Variants in UBXN2A observed in about 807,000 individuals in gnomAD.
UBXN2A encodes UBX domain-containing protein 2A.
Under a neutral mutation model 28.4 loss-of-function variants are expected in UBXN2A, and 28 were observed. The observed-to-expected ratio is 0.99, with a 90% CI of 0.73 to 1.35. UBXN2A has a LOEUF of 1.35. UBXN2A is among the 40% of genes most tolerant of loss of function. UBXN2A has a pLI of 0.00. For synonymous variants in UBXN2A, 97 were observed against 103.6 expected (o/e 0.94, Z 0.39); for missense variants, 253 against 297.9 (o/e 0.85, Z 1.11).
intron 2 of UBXN2A, 147 bp downstream of exon 2, chr2:23,958,502 T>C: frequency 3.0e-6 from 2 of 677,114 alleles, no homozygotes; most frequent in Non-Finnish European, 4.4e-6. Flanking sequence ...AAGTAATTTT[T>C]TTACCATAGC....
chr2:23,980,119 ACT>A (rs1707836150), intron 4 of UBXN2A, among the ~76,000 whole-genome samples: 1 of 151,956 alleles, frequency 6.6e-6, no homozygotes, highest in Admixed American at 6.6e-5. Context: ...ACTAGAAGTC[ACT>A]CTCCATTTTC....
At chr2:23,956,118 C>A (rs1272142248) in intron 1 of UBXN2A, among the ~76,000 whole-genome samples, 2 of 151,914 alleles carry the variant, frequency 1.3e-5, no homozygotes, top group African/African-American at 4.8e-5. Context: ...ACTGCCTCGG[C>A]CTCCCAAAGT....
chr2:23,997,966 C>G (rs755686974), intron 6 of UBXN2A, among the ~76,000 whole-genome samples: 22 of 151,904 alleles, frequency 1.4e-4, no homozygotes, highest in Non-Finnish European at 1.5e-4. Context: ...TGACCACCAC[C>G]ACACCCAGAT....
At chr2:23,987,661 C>T (rs1708183250) in intron 6 of UBXN2A, among the ~76,000 whole-genome samples, 1 of 151,234 alleles carries the variant, frequency 6.6e-6, no homozygotes. Context: ...GCCTGTAGTC[C>T]CAGCTACTCG....
At chr2:23,998,521 C>T (rs1708625531) in intron 6 of UBXN2A, among the ~76,000 whole-genome samples, 1 of 152,088 alleles carries the variant, frequency 6.6e-6, no homozygotes, top group Non-Finnish European at 1.5e-5. Flanking sequence ...GGAGTTCAAA[C>T]AAGCTTGGCC....
intron 6 of UBXN2A, among the ~76,000 whole-genome samples, chr2:23,986,235 G>A (rs1027600606): frequency 3.3e-5 from 5 of 151,820 alleles, no homozygotes; most frequent in Admixed American, 1.3e-4. Context: ...GCGTGAACCC[G>A]GAAGGCGGAG....
Position 24,002,711 on chromosome 2 carries a change from A to C in UBXN2A, c.*2844A>C, listed in dbSNP as rs535029651. ...AGGCGTGAGCCACTGTGCCCAGCCAATAATAACTTATAAAACATGAAACGA... is the reference window on the plus strand; with the variant it reads ...AGGCGTGAGCCACTGTGCCCAGCCACTAATAACTTATAAAACATGAAACGA... On this transcript the variant is annotated 3_prime_UTR_variant, in exon 7 of 7. Transcript: ENST00000309033. 2 of 152,170 alleles carry C rather than the reference A, an allele frequency of 1.3e-5. No homozygotes were observed. Among genetic ancestry groups the C allele is most frequent in the Non-Finnish European group, 2.9e-5 (2 of 68,054 alleles). The allele number at this position is 152,170 out of a possible 1,614,324, so 9.4% of individuals were successfully genotyped here. A position where few individuals can be genotyped will look rare whatever the true frequency, so the allele number is the denominator to read the frequency against.
intron 2 of UBXN2A, among the ~76,000 whole-genome samples, chr2:23,966,750 C>CTT (rs70944704): frequency 3.9e-5 from 3 of 76,690 alleles, no homozygotes; most frequent in East Asian, 4.8e-4. Context: ...CGCGCCCGGC[C>CTT]TTTTTTTTTT....
intron 6 of UBXN2A, chr2:23,997,079 G>C (rs773056584): frequency 2.0e-5 from 3 of 152,136 alleles, no homozygotes; most frequent in African/African-American, 7.2e-5. Context: ...GTGCCACTGC[G>C]CCCAGTGCTG....
chr2:23,961,673 G>T (rs1451902992), intron 2 of UBXN2A, among the ~76,000 whole-genome samples: 2 of 141,200 alleles, frequency 1.4e-5, no homozygotes, highest in Non-Finnish European at 3.0e-5. Flanking sequence ...TCAGCCTCCC[G>T]AGTAGCTGGG....
chr2:23,936,926 G>A (rs186068464), upstream of UBXN2A, among the ~76,000 whole-genome samples: 2 of 152,080 alleles, frequency 1.3e-5, no homozygotes, highest in East Asian at 1.9e-4. Context: ...GCCCAGGCTC[G>A]TCTCGAACTC....
At chr2:23,974,178 C>T (rs959536081) in intron 3 of UBXN2A, among the ~76,000 whole-genome samples, 1 of 150,224 alleles carries the variant, frequency 6.7e-6, no homozygotes, top group Non-Finnish European at 1.5e-5. Flanking sequence ...CCACACCTGG[C>T]TAATTTTTTT....
intron 6 of UBXN2A, among the ~76,000 whole-genome samples, chr2:23,992,517 C>T (rs1272651245): frequency 6.6e-6 from 1 of 152,120 alleles, no homozygotes; most frequent in African/African-American, 2.4e-5. Flanking sequence ...CGAACAATAC[C>T]TCGGAAAGGA....
intron 3 of UBXN2A, among the ~76,000 whole-genome samples, chr2:23,976,610 A>G (rs941416899): frequency 6.6e-6 from 1 of 152,224 alleles, no homozygotes; most frequent in African/African-American, 2.4e-5. Flanking sequence ...CTTATTCACT[A>G]TCACAAGAAT....
At chr2:23,935,777 C>A (rs370594211), upstream of UBXN2A, among the ~76,000 whole-genome samples, 1 of 152,154 alleles carries the variant, frequency 6.6e-6, no homozygotes, top group Admixed American at 6.5e-5. Context: ...ACGCCAGGCA[C>A]GGTGGCCCAC....
chr2:23,936,194 A>G (rs1250745952), upstream of UBXN2A, among the ~76,000 whole-genome samples: 2 of 152,208 alleles, frequency 1.3e-5, no homozygotes, highest in African/African-American at 4.8e-5. Flanking sequence ...AGGTGGAAGC[A>G]ACCCAAATGG....
In UBXN2A at chr2:23,975,165, G is replaced by A. The variant is rs919116615; in HGVS notation, c.181-1804G>A. On this transcript the variant is annotated intron_variant, in intron 3 of 6. Coordinates refer to ENST00000309033, the MANE Select transcript of UBXN2A (RefSeq NM_181713.4). ...ATTTTCCAAATGAGCAATATATGAT[G>A]TTATACAGTGATGCATGAGTAAAAG... 2.6e-5 allele frequency among the ~76,000 whole-genome samples: 4 copies of A among 152,194 alleles called. No individual in the cohort carries two copies. In the South Asian group the frequency reaches 6.2e-4, roughly 24 times the overall value.
intron 4 of UBXN2A, among the ~76,000 whole-genome samples, chr2:23,981,811 C>T (rs1259806885): frequency 6.6e-6 from 1 of 151,920 alleles, no homozygotes; most frequent in African/African-American, 2.4e-5. Context: ...TCGCTTCAGC[C>T]CAGGAGGTCA....
intron 6 of UBXN2A, among the ~76,000 whole-genome samples, chr2:23,993,341 C>T (rs992888022): frequency 6.6e-6 from 1 of 151,976 alleles, no homozygotes; most frequent in East Asian, 1.9e-4. Context: ...ATGACTGAAG[C>T]GTTTAAAAAT....
Sources: gnomAD v4.1 joint callset for allele counts (sites outside exome capture counted in the v4.1 genomes callset) on GRCh38, gnomAD v4.1.1 for gene constraint, MANE v1.5 for transcripts, NCBI Gene and HGNC (gene_info 2026-07-23, HGNC 2026-07-21) for gene names.